XRCC3: variants seen among roughly 807,000 people sequenced by gnomAD.
The protein encoded by XRCC3 is DNA repair protein XRCC3.
Under a neutral mutation model 29.2 loss-of-function variants are expected in XRCC3, and 34 were observed. The observed-to-expected ratio is 1.16, with a 90% CI of 0.88 to 1.55. The LOEUF is 1.55. Among genes scored for constraint, XRCC3 ranks in the 40% most tolerant of loss-of-function variants. The pLI is 0.00. For synonymous variants in XRCC3, 223 were observed against 211.3 expected (o/e 1.06, Z -0.48); for missense variants, 463 against 467.6 (o/e 0.99, Z 0.09).
At chr14:103,708,317 A>G (rs2083509683) in intron 5 of XRCC3, 1 of 724,912 alleles carries the variant, frequency 1.4e-6, no homozygotes, top group Admixed American at 2.4e-5. Flanking sequence ...GCCCGTGTCC[A>G]CCTCACGCAT....
intron 6 of XRCC3, chr14:103,706,313 T>G (rs1318989624): frequency 2.2e-6 from 1 of 455,496 alleles, no homozygotes; most frequent in South Asian, 1.5e-5. Context: ...GGTCCGGCCC[T>G]GTGTGGGAAG....
At chr14:103,703,053 G>A in intron 7 of XRCC3, 120 bp downstream of exon 7, 1 of 1,466,814 alleles carries the variant, frequency 6.8e-7, no homozygotes, top group South Asian at 1.2e-5. Flanking sequence ...GCTGTGTTCA[G>A]AGCTGAGCCC....
At chr14:103,703,486 A>C (rs1595657008) in intron 6 of XRCC3, 159 bp from the exon 7 acceptor site, 1 of 868,868 alleles carries the variant, frequency 1.2e-6, no homozygotes, top group Non-Finnish European at 1.8e-6. Context: ...GCTTTTTCTC[A>C]CCCTCCCACT....
At chr14:103,710,565 C>T (rs2151942727) in intron 4 of XRCC3, 1 of 162,276 alleles carries the variant, frequency 6.2e-6, no homozygotes, top group South Asian at 1.6e-4. Context: ...ACAGTGAAAC[C>T]CTGTCTCTAC....
chr14:103,708,880 G>A (rs2083532302), intron 4 of XRCC3: 1 of 578,376 alleles, frequency 1.7e-6, no homozygotes, highest in East Asian at 3.4e-5. Flanking sequence ...TGCGCCCTGA[G>A]TCCTGGCACT....
chr14:103,715,324 G>C (rs1457255109), intron 1 of XRCC3, 100 bp downstream of exon 1: 1 of 152,106 alleles, frequency 6.6e-6, no homozygotes, highest in Non-Finnish European at 1.5e-5. Flanking sequence ...CCCGCCCCTT[G>C]ACCCTGCCTC....
rs1567047797 is a variant in XRCC3, at chr14:103,698,993, T to TG, written c.845dup (p.Ala283SerfsTer8). On this transcript the variant is annotated frameshift_variant, in exon 10 of 10. Coordinates refer to ENST00000555055, the MANE Select transcript of XRCC3 (RefSeq NM_005432.4). LOFTEE classifies it low-confidence loss of function (END_TRUNC). ...GGTTAGCCCAGGTTATGCCAAGGGCTGGGGAAACACGTTCGTCCCAGAACC... is the reference window on the plus strand; with the variant it reads ...GGTTAGCCCAGGTTATGCCAAGGGCTGGGGGAAACACGTTCGTCCCAGAACC... 6.3e-7 allele frequency: 1 copy of TG among 1,595,298 alleles called. No individual in the cohort carries two copies. Among genetic ancestry groups the TG allele is most frequent in the Non-Finnish European group, 8.5e-7 (1 of 1,170,976 alleles).
rs753331169 is a variant in XRCC3 at position 103,707,090 on chromosome 14, C to T, written c.319G>A (p.Gly107Arg). 17 of 1,556,414 alleles carry T rather than the reference C, an allele frequency of 1.1e-5. No homozygotes were observed. Among genetic ancestry groups the T allele is most frequent in the Admixed American group, 5.8e-5 (3 of 52,172 alleles). Residue 107 changes from glycine (G) to arginine (R), a missense_variant, in exon 6 of 10, where the codon GGA becomes AGA. Physicochemically the swap from Gly to Arg is moderately radical, Grantham distance 125. Coordinates refer to ENST00000555055, the MANE Select transcript of XRCC3 (RefSeq NM_005432.4). ...TGGGTCTTCCCTGCCGAGCTGCGTC[C>T]GGCCAGCTCAGTGATGCCGTCCAGG... is the stretch of plus-strand genomic sequence containing the variant. ...LPLDGITELA[G>R]RSSAGKTQLA...
intron 1 of XRCC3, among the ~76,000 whole-genome samples, chr14:103,714,670 A>G (rs555499398): frequency 6.6e-6 from 1 of 151,790 alleles, no homozygotes; most frequent in Non-Finnish European, 1.5e-5. Flanking sequence ...ATGAACAAAC[A>G]TTTTCTTCTT....
At chr14:103,708,389 G>A in intron 5 of XRCC3, 133 bp downstream of exon 5, 1 of 1,341,582 alleles carries the variant, frequency 7.5e-7, no homozygotes, top group Non-Finnish European at 1.0e-6. Context: ...TGGGAACTCT[G>A]GGGCTGGAGC....
chr14:103,703,177 T>C lies in XRCC3; in HGVS notation c.557A>G (p.Asp186Gly). 1 of 1,568,936 alleles carries C rather than the reference T, an allele frequency of 6.4e-7. No individual in the cohort carries two copies. Among genetic ancestry groups the C allele is most frequent in the Admixed American group, 1.8e-5 (1 of 55,070 alleles). Residue 186 changes from aspartate (D) to glycine (G), a missense_variant, in exon 7 of 10, where the codon GAT (aspartate) becomes GGT (glycine). By Grantham distance (94) the Asp-to-Gly change is moderately conservative. Transcript: ENST00000555055. ...TGGGGCTTCTCCCACACTCACCACA[T>C]CGGCCACGTGCTCGATGAAGATCTG... ...GSQIFIEHVA[D>G]VDTLLECVNK...
chr14:103,704,946 G>A (rs1188615324), intron 6 of XRCC3: 1 of 152,258 alleles, frequency 6.6e-6, no homozygotes, highest in Non-Finnish European at 1.5e-5. Context: ...AGTGGCACAT[G>A]CAGTTGTGGG....
intron 4 of XRCC3, chr14:103,708,989 C>G (rs2083536197): frequency 1.1e-5 from 4 of 369,066 alleles, no homozygotes; most frequent in Non-Finnish European, 2.1e-5. Context: ...GAAGAAACGA[C>G]AGGCACCCAG....
intron 4 of XRCC3, 123 bp downstream of exon 4, chr14:103,710,910 C>A (rs2083604615): frequency 1.1e-6 from 1 of 920,016 alleles, no homozygotes; most frequent in Non-Finnish European, 1.8e-6. Context: ...ACATCCCGCC[C>A]TCGGTTTAAT....
intron 4 of XRCC3, 164 bp downstream of exon 4, chr14:103,710,853 AACACACACACACACAC>A (rs71126055): frequency 7.1e-6 from 4 of 563,362 alleles, no homozygotes; most frequent in African/African-American, 3.8e-5. Flanking sequence ...TGTAGTTAAG[AACACACACACACACAC>A]ACACACACAC....
At chr14:103,706,743 TG>T in intron 6 of XRCC3, 1 of 544,962 alleles carries the variant, frequency 1.8e-6, no homozygotes, top group Non-Finnish European at 3.3e-6. Flanking sequence ...CAGCGACCCC[TG>T]GGGGCCTAGC....
rs1595670725 is a variant in XRCC3 at position 103,708,654 on chromosome 14, G to T, written c.61C>A (p.Leu21Met). The T allele has an allele frequency of 1.2e-6, 2 of 1,614,056 alleles. No individual in the cohort carries two copies. The highest frequency in any genetic ancestry group is 1.6e-4 in the Middle Eastern group (1 of 6,084). ...RIIAAIKKAK[L>M]KSVKEVLHFS... is the part of the protein sequence containing the mutation. Reference sequence around the variant, plus strand: ...TGTAAAACCTCCTTTACCGATTTCAGTTTGGCTGAAATAACACAGATAAAT... The same window carrying T: ...TGTAAAACCTCCTTTACCGATTTCATTTTGGCTGAAATAACACAGATAAAT... The change falls in exon 5 of 10, where the codon CTG becomes ATG. Residue 21 changes from leucine (L) to methionine (M), a missense_variant. Physicochemically the swap from Leu to Met is conservative, Grantham distance 15. Transcript: ENST00000555055.
In XRCC3 at chr14:103,698,616, G is replaced by A; in HGVS notation, c.*182C>T. The A allele has an allele frequency of 4.6e-6, 3 of 645,202 alleles. No individual in the cohort carries two copies. The highest frequency in any genetic ancestry group is 1.8e-5 in the African/African-American group (1 of 55,318). 40.0% of individuals were successfully genotyped at this position (645,202 alleles called of 1,614,324 possible). On this transcript the variant is annotated 3_prime_UTR_variant, in exon 10 of 10. Transcript: ENST00000555055. ...CAGGGAGAGGCAGAACATCCCCCCA[G>A]CTCAGATGGGGGTCAGTCTGTGGCC...
At chr14:103,703,090 C>T (rs1385436802) in intron 7 of XRCC3, 83 bp downstream of exon 7, 3 of 1,531,330 alleles carry the variant, frequency 2.0e-6, no homozygotes, top group South Asian at 1.2e-5. Context: ...GCTGTGAGAC[C>T]CCATTGCCGT....
Sources: allele counts gnomAD v4.1 joint callset (sites outside exome capture counted in the v4.1 genomes callset), GRCh38; gene constraint gnomAD v4.1.1; transcripts MANE v1.5; gene names NCBI Gene and HGNC (gene_info 2026-07-23, HGNC 2026-07-21).